PRKCA: variants seen among roughly 807,000 people sequenced by gnomAD.
The protein encoded by PRKCA is protein kinase C alpha, also known as protein kinase C alpha type.
Under a neutral mutation model 87.0 loss-of-function variants are expected in PRKCA, and 27 were observed. That is an observed-to-expected ratio of 0.31 (90% confidence interval 0.23 to 0.43). PRKCA has a LOEUF of 0.43. PRKCA is among the 20% of genes least tolerant of loss of function. The pLI, the probability that PRKCA is intolerant of heterozygous loss-of-function variation, is 1.00. For synonymous variants in PRKCA, 329 were observed against 311.1 expected, an observed-to-expected ratio of 1.06 and a Z score of -0.61; for missense variants, 518 against 852.3, an observed-to-expected ratio of 0.61 and a Z score of 4.88.
At chr17:66,768,057 C>G (rs1236897544) in intron 13 of PRKCA, among the ~76,000 whole-genome samples, 1 of 152,186 alleles carries the variant, frequency 6.6e-6, no homozygotes, top group Non-Finnish European at 1.5e-5. Flanking sequence ...CATTTTCCTG[C>G]CTCAGCCTCC....
chr17:66,441,222 G>A (rs1031495489), intron 2 of PRKCA, among the ~76,000 whole-genome samples: 3 of 151,240 alleles, frequency 2.0e-5, no homozygotes, highest in South Asian at 2.1e-4. Context: ...ACGTGCCTGT[G>A]GTGCCAAGCT....
intron 2 of PRKCA, among the ~76,000 whole-genome samples, chr17:66,483,891 T>C (rs963384440): frequency 2.6e-5 from 4 of 152,062 alleles, no homozygotes; most frequent in Admixed American, 2.6e-4. Flanking sequence ...TCTGAGGTAC[T>C]AGAAGCTAGA....
chr17:66,709,301 CTTTTTTTTTTTTT>C (rs552633887), intron 8 of PRKCA, among the ~76,000 whole-genome samples: 9 of 84,908 alleles, frequency 1.1e-4, no homozygotes, highest in East Asian at 3.9e-4. Context: ...GAGATGATTT[CTTTTTTTTTTTTT>C]TTTTTTTTTT....
intron 5 of PRKCA, among the ~76,000 whole-genome samples, chr17:66,666,193 T>C (rs2088084446): frequency 6.6e-6 from 1 of 152,112 alleles, no homozygotes; most frequent in African/African-American, 2.4e-5. Flanking sequence ...GCTTTGGGAG[T>C]GCCTTCTCCC....
chr17:66,527,220 G>A (rs576729295), intron 3 of PRKCA, among the ~76,000 whole-genome samples: 16 of 142,696 alleles, frequency 1.1e-4, no homozygotes, highest in Middle Eastern at 3.3e-3. Flanking sequence ...CCCCATACCC[G>A]CCCCAGTTCC....
At chr17:66,392,805 T>C (rs967716457) in intron 2 of PRKCA, among the ~76,000 whole-genome samples, 3 of 152,210 alleles carry the variant, frequency 2.0e-5, no homozygotes, top group Non-Finnish European at 4.4e-5. Context: ...TATAGGCCAT[T>C]CTAAGCAGTC....
intron 3 of PRKCA, among the ~76,000 whole-genome samples, chr17:66,563,687 C>T (rs1968784435): frequency 6.6e-6 from 1 of 152,194 alleles, no homozygotes; most frequent in Non-Finnish European, 1.5e-5. Context: ...CTCCTGTTGA[C>T]TTAGTCTGAA....
intron 13 of PRKCA, among the ~76,000 whole-genome samples, chr17:66,747,014 C>A (rs1270395551): frequency 2.0e-5 from 3 of 152,038 alleles, no homozygotes; most frequent in Admixed American, 6.5e-5. Flanking sequence ...TCCCGAGAAC[C>A]CCCTACTGCA....
intron 2 of PRKCA, among the ~76,000 whole-genome samples, chr17:66,321,114 A>G (rs1427722971): frequency 6.6e-6 from 1 of 152,230 alleles, no homozygotes; most frequent in Non-Finnish European, 1.5e-5. Flanking sequence ...ACATTTATGT[A>G]TGCTTTTTTC....
At chr17:66,604,936 A>G (rs966096613) in intron 3 of PRKCA, among the ~76,000 whole-genome samples, 4 of 151,968 alleles carry the variant, frequency 2.6e-5, no homozygotes, top group Non-Finnish European at 5.9e-5. Context: ...TTAAACCAGG[A>G]TGGTAAAGAG....
intron 16 of PRKCA, among the ~76,000 whole-genome samples, chr17:66,794,230 T>A (rs1317034291): frequency 6.6e-6 from 1 of 152,208 alleles, no homozygotes; most frequent in East Asian, 1.9e-4. Flanking sequence ...CTTTAAGTAT[T>A]CTGTTTTTTA....
chr17:66,604,125 A>G (rs1970140555), intron 3 of PRKCA, among the ~76,000 whole-genome samples: 2 of 152,100 alleles, frequency 1.3e-5, no homozygotes, highest in Non-Finnish European at 2.9e-5. Context: ...TCTGGAACAG[A>G]ATTTTGCTGT....
intron 2 of PRKCA, among the ~76,000 whole-genome samples, chr17:66,329,516 A>C (rs1419996038): frequency 1.3e-5 from 2 of 152,190 alleles, no homozygotes; most frequent in African/African-American, 2.4e-5. Flanking sequence ...GAGAGAAAAG[A>C]TGAGAGGGCT....
intron 14 of PRKCA, among the ~76,000 whole-genome samples, chr17:66,781,817 G>A (rs1598938738): frequency 6.6e-6 from 1 of 151,534 alleles, no homozygotes; most frequent in African/African-American, 2.4e-5. Flanking sequence ...ACAGTACAGT[G>A]CACTTAAAAG....
At chr17:66,658,810 C>T (rs1281870240) in intron 5 of PRKCA, among the ~76,000 whole-genome samples, 2 of 152,196 alleles carry the variant, frequency 1.3e-5, no homozygotes, top group Non-Finnish European at 2.9e-5. Context: ...TCAGTCCTGA[C>T]TCTTTCATGG....
At chr17:66,471,591 A>G (rs770515260) in intron 2 of PRKCA, among the ~76,000 whole-genome samples, 5 of 151,318 alleles carry the variant, frequency 3.3e-5, no homozygotes, top group African/African-American at 4.9e-5. Context: ...TGTAAAACAC[A>G]TTTTCAAACA....
intron 2 of PRKCA, among the ~76,000 whole-genome samples, chr17:66,369,393 G>C (rs935880048): frequency 6.6e-6 from 1 of 152,056 alleles, no homozygotes; most frequent in Non-Finnish European, 1.5e-5. Context: ...GAGGGACCTG[G>C]GGGAGGAGGA....
intron 5 of PRKCA, among the ~76,000 whole-genome samples, chr17:66,673,360 C>T (rs1972244494): frequency 6.6e-6 from 1 of 152,172 alleles, no homozygotes; most frequent in South Asian, 2.1e-4. Context: ...TATCACCAAG[C>T]AGCCAGCCTC....
intron 5 of PRKCA, among the ~76,000 whole-genome samples, chr17:66,678,665 GA>G (rs34094513): frequency 0.12 from 16,405 of 138,728 alleles, 933 homozygotes; most frequent in Middle Eastern, 0.18. Flanking sequence ...CTTGTTGACT[GA>G]AAAAAAAAAA....
Sources: gnomAD v4.1 joint callset for allele counts (sites outside exome capture counted in the v4.1 genomes callset) on GRCh38, gnomAD v4.1.1 for gene constraint, MANE v1.5 for transcripts, NCBI Gene and HGNC (gene_info 2026-07-23, HGNC 2026-07-21) for gene names.